The following ADAM22 variants were observed in gnomAD, a reference collection of about 807,000 sequenced individuals.
The protein encoded by ADAM22 is ADAM metallopeptidase domain 22.
In ADAM22, 65 loss-of-function variants were observed where a neutral mutation model predicts 144.6. The observed-to-expected ratio is 0.45, with a 90% CI of 0.37 to 0.55. ADAM22 has a LOEUF of 0.55. Ranked by LOEUF, ADAM22 falls within the 20% of genes least tolerant of loss-of-function variation. The pLI is 0.00. For missense variants in ADAM22, 974 were observed against 1,184.9 expected, an observed-to-expected ratio of 0.82 and a Z score of 2.61; for synonymous variants, 391 against 412.6, an observed-to-expected ratio of 0.95 and a Z score of 0.63.
At chr7:87,944,239 AAGGTTAGGATG>A (rs1196684553) in intron 2 of ADAM22, among the ~76,000 whole-genome samples, 5 of 151,632 alleles carry the variant, frequency 3.3e-5, no homozygotes, top group Non-Finnish European at 7.4e-5. Context: ...TAGGCACTTC[AAGGTTAGGATG>A]AGGTTAGGAT....
chr7:88,032,780 AG>A (rs1800608802), intron 3 of ADAM22, among the ~76,000 whole-genome samples: 1 of 152,104 alleles, frequency 6.6e-6, no homozygotes, highest in Admixed American at 6.5e-5. Flanking sequence ...CCATCCCTTT[AG>A]GGCTGTCTCA....
chr7:88,051,394 A>C (rs536809786), intron 3 of ADAM22, among the ~76,000 whole-genome samples: 120 of 152,286 alleles, frequency 7.9e-4, no homozygotes, highest in African/African-American at 1.6e-3. Flanking sequence ...AGTTCATGTC[A>C]TTTGTAGGGA....
At chr7:87,993,478 G>T (rs1790390513) in intron 3 of ADAM22, among the ~76,000 whole-genome samples, 1 of 151,904 alleles carries the variant, frequency 6.6e-6, no homozygotes, top group Non-Finnish European at 1.5e-5. Flanking sequence ...CACAATAATA[G>T]CCCTGGGCAC....
chr7:87,955,495 G>T (rs1846434075), intron 2 of ADAM22, among the ~76,000 whole-genome samples: 1 of 152,170 alleles, frequency 6.6e-6, no homozygotes, highest in African/African-American at 2.4e-5. Context: ...TCCTCTGGAA[G>T]TTTTGTCTCA....
chr7:88,177,434 GA>G (rs1305407501), intron 26 of ADAM22, among the ~76,000 whole-genome samples: 2 of 151,850 alleles, frequency 1.3e-5, no homozygotes, highest in African/African-American at 4.8e-5. Flanking sequence ...ATATACTGGG[GA>G]AAAGAAAGAA....
At chr7:87,935,643 C>T (rs1841072490) in intron 2 of ADAM22, among the ~76,000 whole-genome samples, 1 of 152,148 alleles carries the variant, frequency 6.6e-6, no homozygotes, top group Admixed American at 6.5e-5. Flanking sequence ...TTAAGAAACC[C>T]AACTGTAAAA....
intron 30 of ADAM22, among the ~76,000 whole-genome samples, chr7:88,192,215 A>G (rs3789234): frequency 6.6e-6 from 1 of 152,060 alleles, no homozygotes; most frequent in Non-Finnish European, 1.5e-5. Flanking sequence ...ACCACCTTGC[A>G]CCATGGATTA....
At chr7:88,085,761 T>C (rs920124855) in intron 4 of ADAM22, among the ~76,000 whole-genome samples, 1 of 152,226 alleles carries the variant, frequency 6.6e-6, no homozygotes, top group Non-Finnish European at 1.5e-5. Flanking sequence ...CTTTTCATCC[T>C]CCTCTTGTAA....
chr7:88,153,426 G>A, intron 21 of ADAM22, 100 bp downstream of exon 21: 1 of 945,146 alleles, frequency 1.1e-6, no homozygotes, highest in South Asian at 1.6e-5. Context: ...CACACAAAGT[G>A]TGCTCTTGCC....
chr7:88,109,722 A>G (rs1825500737), intron 5 of ADAM22, among the ~76,000 whole-genome samples: 1 of 149,374 alleles, frequency 6.7e-6, no homozygotes, highest in African/African-American at 2.5e-5. Context: ...TTTTTTTGAG[A>G]GAGAGAGAGG....
chr7:87,938,941 G>A (rs989699177), intron 2 of ADAM22, among the ~76,000 whole-genome samples: 8 of 152,148 alleles, frequency 5.3e-5, no homozygotes, highest in African/African-American at 1.7e-4. Context: ...GAACCACCGC[G>A]GCTGGCCTAA....
intron 26 of ADAM22, among the ~76,000 whole-genome samples, chr7:88,176,253 A>G (rs1276376656): frequency 6.6e-6 from 1 of 152,136 alleles, no homozygotes; most frequent in Admixed American, 6.5e-5. Flanking sequence ...TTCTTAAGAG[A>G]TCTTTAACGA....
chr7:88,017,332 T>C (rs1204292919), intron 3 of ADAM22, among the ~76,000 whole-genome samples: 9 of 152,200 alleles, frequency 5.9e-5, no homozygotes, highest in African/African-American at 2.2e-4. Flanking sequence ...GTTAATTACC[T>C]GATTTGATCA....
intron 3 of ADAM22, among the ~76,000 whole-genome samples, chr7:88,060,477 T>C (rs1159515995): frequency 6.6e-6 from 1 of 152,164 alleles, no homozygotes; most frequent in Non-Finnish European, 1.5e-5. Flanking sequence ...GCCTTAAAAA[T>C]ACACTGTTTT....
chr7:88,153,338 A>G lies in ADAM22; in HGVS notation c.1787+12A>G, dbSNP rs757698538. 18 of 1,602,336 alleles carry G rather than the reference A, an allele frequency of 1.1e-5. No homozygotes were observed. In the Admixed American group the frequency reaches 1.4e-4, roughly 12 times the overall value. On this transcript the variant is annotated intron_variant, in intron 21 of 31. Coordinates refer to ENST00000413139, the MANE Select transcript of ADAM22 (RefSeq NM_001324418.2). Reference sequence around the variant, plus strand: ...CAGTGCAACAAACGGTGAGGTGGAGACGTCAGCCCAGAATTCATCCCTTGG... The same window carrying G: ...CAGTGCAACAAACGGTGAGGTGGAGGCGTCAGCCCAGAATTCATCCCTTGG...
chr7:88,074,373 T>C (rs1813635902), intron 3 of ADAM22, among the ~76,000 whole-genome samples: 1 of 152,232 alleles, frequency 6.6e-6, no homozygotes, highest in African/African-American at 2.4e-5. Flanking sequence ...CTGTGAATTC[T>C]GTTCATGTCT....
intron 14 of ADAM22, among the ~76,000 whole-genome samples, chr7:88,140,622 C>G (rs959216660): frequency 6.6e-6 from 1 of 152,076 alleles, no homozygotes; most frequent in Non-Finnish European, 1.5e-5. Flanking sequence ...TTGGGAGGAT[C>G]GCTTGAGCCC....
At chr7:87,944,756 C>T (rs1843167666) in intron 2 of ADAM22, among the ~76,000 whole-genome samples, 1 of 150,994 alleles carries the variant, frequency 6.6e-6, no homozygotes, top group African/African-American at 2.4e-5. Context: ...GTCTGAAGCA[C>T]TTTCTGAGTT....
chr7:88,100,984 G>T (rs1283392019), intron 4 of ADAM22, among the ~76,000 whole-genome samples: 1 of 150,874 alleles, frequency 6.6e-6, no homozygotes. Flanking sequence ...TGTCAGGACA[G>T]TGTATACCCT....
Sources: gnomAD v4.1 joint callset for allele counts (sites outside exome capture counted in the v4.1 genomes callset) on GRCh38, gnomAD v4.1.1 for gene constraint, MANE v1.5 for transcripts, NCBI Gene and HGNC (gene_info 2026-07-23, HGNC 2026-07-21) for gene names.